The following THAP9 variants were observed in gnomAD, a reference collection of about 807,000 sequenced individuals.
The protein encoded by THAP9 is THAP domain containing 9.
In THAP9, 20 loss-of-function variants were observed where a neutral mutation model predicts 35.7. The ratio of observed to expected loss-of-function variants is 0.56; its 90% CI spans 0.39 to 0.81. The LOEUF (loss-of-function observed/expected upper bound fraction) is 0.81, where lower values mean the gene tolerates loss of function less well. THAP9 is among the 40% of genes least tolerant of loss of function. THAP9 has a pLI of 0.00. For synonymous variants in THAP9, 335 were observed against 373.7 expected (o/e 0.90, Z 1.19); for missense variants, 870 against 1,047.4 (o/e 0.83, Z 2.34).
chr4:82,916,440 T>G (rs1721034744), intron 4 of THAP9, among the ~76,000 whole-genome samples: 1 of 152,226 alleles, frequency 6.6e-6, no homozygotes, highest in African/African-American at 2.4e-5. Context: ...AGAAATGCAC[T>G]AAACTCCTGG....
chr4:82,916,357 T>G (rs1297440261), intron 4 of THAP9, among the ~76,000 whole-genome samples: 4 of 152,166 alleles, frequency 2.6e-5, no homozygotes, highest in Non-Finnish European at 5.9e-5. Context: ...GTAGCACAGG[T>G]AGGTTGTATA....
At position 82,910,594 on chromosome 4, in the gene THAP9, A is replaced by G. The variant is rs1720832530; in HGVS notation, c.731+2659A>G. 9 of 337,254 alleles carry G rather than the reference A, an allele frequency of 2.7e-5. No homozygotes were observed. The South Asian group carries it at 4.3e-4, about 16-fold the overall frequency. 20.9% of individuals were successfully genotyped at this position (337,254 alleles called of 1,614,324 possible). On this transcript the variant is annotated intron_variant, in intron 4 of 4. Coordinates refer to ENST00000302236, the MANE Select transcript of THAP9 (RefSeq NM_024672.6). ...ATTAATGGTATATACGTTTCCATTT[A>G]TTTTCCCATATAAAAAGTGATGTTT... is the stretch of plus-strand genomic sequence containing the variant.
At chr4:82,905,861 A>G (rs1403008415) in intron 2 of THAP9, 2 of 456,118 alleles carry the variant, frequency 4.4e-6, no homozygotes, top group South Asian at 3.1e-5. Flanking sequence ...CATTTTACAG[A>G]TGAGGACACA....
chr4:82,900,817 C>T lies in THAP9; in HGVS notation c.15C>T (p.Cys5=), dbSNP rs751954586. 1 of 1,613,706 alleles carries T rather than the reference C, an allele frequency of 6.2e-7. No homozygotes were observed. ...GTAACAAGAAGATGACCCGAAGTTG[C>T]TCCGCAGTGGGCTGCAGCACCCGTG... MTRS[C]SAVGCSTRDT... is the part of the protein sequence containing the mutation. The change falls in exon 1 of 5, where the codon TGC becomes TGT. Residue 5 remains cysteine (C), a synonymous_variant. Transcript: ENST00000302236.
At chr4:82,913,386 T>C (rs1233966621) in intron 4 of THAP9, 1 of 152,164 alleles carries the variant, frequency 6.6e-6, no homozygotes, top group Non-Finnish European at 1.5e-5. Flanking sequence ...AGTGCTTTGT[T>C]ATATATGTAC....
chr4:82,909,121 A>T (rs1720768174), intron 4 of THAP9, among the ~76,000 whole-genome samples: 1 of 148,758 alleles, frequency 6.7e-6, no homozygotes, highest in South Asian at 2.1e-4. Context: ...TGGCCAGGCT[A>T]ATCTCGAACT....
Position 82,900,790 on chromosome 4 carries a change from A to G in THAP9, c.-13A>G. On this transcript the variant is annotated 5_prime_UTR_variant, in exon 1 of 5. Coordinates refer to ENST00000302236, the MANE Select transcript of THAP9 (RefSeq NM_024672.6). ...GCGGGAACCCCGAAGGTGGGGCCCCACGTAACAAGAAGATGACCCGAAGTT... is the reference window on the plus strand; with the variant it reads ...GCGGGAACCCCGAAGGTGGGGCCCCGCGTAACAAGAAGATGACCCGAAGTT... The G allele has an allele frequency of 6.2e-7, 1 of 1,613,650 alleles. No individual in the cohort carries two copies. The highest frequency in any genetic ancestry group is 8.5e-7 in the Non-Finnish European group (1 of 1,180,012).
rs1553942867 is a variant in THAP9 at position 82,917,228 on chromosome 4, A to G, written c.1016A>G (p.Tyr339Cys). 6.2e-6 allele frequency: 10 copies of G among 1,614,000 alleles called. 1 individual carries two copies. In the South Asian group the frequency reaches 1.1e-4, roughly 18 times the overall value. ...IFGHWRTPLG[Y>C]FFVNRASGYL... Reference sequence around the variant, plus strand: ...GGCCATTGGAGAACACCTCTTGGTTATTTTTTTGTAAACAGAGCATCTGGA... The same window carrying G: ...GGCCATTGGAGAACACCTCTTGGTTGTTTTTTTGTAAACAGAGCATCTGGA... Residue 339 changes from tyrosine (Y) to cysteine (C), a missense_variant, in exon 5 of 5, where the codon TAT becomes TGT. Tyr to Cys is a radical substitution (Grantham distance 194). This residue lies in a region of THAP9 where 440 missense variants were observed against 501.2 expected (regional missense o/e 0.88). Transcript: ENST00000302236.
intron 1 of THAP9, chr4:82,901,181 G>C: frequency 1.6e-6 from 1 of 621,186 alleles, no homozygotes; most frequent in Non-Finnish European, 3.0e-6. Flanking sequence ...GAAGTGAGGA[G>C]GCCGAAAGGG....
chr4:82,907,245 T>A (rs185838031), intron 3 of THAP9, among the ~76,000 whole-genome samples: 67 of 152,290 alleles, frequency 4.4e-4, no homozygotes, highest in African/African-American at 1.5e-3. Context: ...AAGAGAAATG[T>A]GTCCTCTTTT....
intron 4 of THAP9, among the ~76,000 whole-genome samples, chr4:82,909,670 T>A (rs947662437): frequency 6.6e-6 from 1 of 152,196 alleles, no homozygotes; most frequent in Non-Finnish European, 1.5e-5. Context: ...AATTGTTTTT[T>A]CATATATTTT....
Position 82,917,502 on chromosome 4 carries a change from A to G in THAP9, c.1290A>G (p.Gln430=), listed in dbSNP as rs992683223. 3 of 1,613,174 alleles carry G rather than the reference A, an allele frequency of 1.9e-6. No homozygotes were observed. Among genetic ancestry groups the G allele is most frequent in the East Asian group, 2.2e-5 (1 of 44,844 alleles). Residue 430 remains glutamine (Q), a synonymous_variant, in exon 5 of 5, where the codon CAA becomes CAG. Coordinates refer to ENST00000302236, the MANE Select transcript of THAP9 (RefSeq NM_024672.6). ...TAAGAAATGCATTTCAGAATTTTCA[A>G]AGCATTCAGTTTATTAATGGTATAG... ...RLIRNAFQNF[Q]SIQFINGIAH... is the part of the protein sequence containing the mutation.
rs1721142597 is a variant in THAP9, at chr4:82,918,841, C to T, written c.2629C>T (p.Gln877Ter). 3 of 1,613,478 alleles carry T rather than the reference C, an allele frequency of 1.9e-6. No individual in the cohort carries two copies. Among genetic ancestry groups the T allele is most frequent in the South Asian group, 1.1e-5 (1 of 91,052 alleles). ...ATCAAGGAAACACTGGTCATCTGTA[C>T]AGGATTATAAATGTTCAAGTTTTGC... The part of the protein sequence containing the change: ...TLSRKHWSSV[Q>*]DYKCSSFANT... The change falls in exon 5 of 5, where the codon CAG (glutamine) becomes TAG (stop). Residue 877 changes from glutamine to a stop codon, truncating the protein, a stop_gained. Transcript: ENST00000302236. LOFTEE classifies it high-confidence loss of function.
intron 4 of THAP9, 44 bp from the exon 5 acceptor site, chr4:82,916,900 T>C: frequency 6.8e-7 from 1 of 1,462,176 alleles, no homozygotes; most frequent in Non-Finnish European, 9.1e-7. Flanking sequence ...CCATTTGTCT[T>C]TTTATTTCTC....
At chr4:82,903,054 T>C (rs1318964426) in intron 1 of THAP9, among the ~76,000 whole-genome samples, 1 of 152,246 alleles carries the variant, frequency 6.6e-6, no homozygotes, top group Non-Finnish European at 1.5e-5. Flanking sequence ...AGCATTTAGC[T>C]GAGAAATAAA....
At position 82,911,374 on chromosome 4, in the gene THAP9, G is replaced by A. The variant is rs118096620; in HGVS notation, c.731+3439G>A. Among the ~76,000 whole-genome samples the A allele has an allele frequency of 9.4e-4, 143 of 152,202 alleles. 3 individuals carry two copies. In the East Asian group the frequency reaches 0.016, roughly 17 times the overall value. On this transcript the variant is annotated intron_variant, in intron 4 of 4. Coordinates refer to ENST00000302236, the MANE Select transcript of THAP9 (RefSeq NM_024672.6). ...GGGGAGGCTGTGGAGGACGGACCAC[G>A]AGGTCAGGAGATTGAGACCACCCTG...
rs766526885 is a variant in THAP9 at position 82,917,320 on chromosome 4, G to T, written c.1108G>T (p.Ala370Ser). 36 of 1,613,644 alleles carry T rather than the reference G, an allele frequency of 2.2e-5. No homozygotes were observed. The highest frequency in any genetic ancestry group is 4.2e-6 in the Non-Finnish European group (5 of 1,179,794). ...GAGTGACATAGGAATCACAGTTCTG[G>T]CTGTTACATCTGATGCCACAGCACA... is the stretch of plus-strand genomic sequence containing the variant. ...KLSDIGITVL[A>S]VTSDATAHSV... The change falls in exon 5 of 5, where the codon GCT becomes TCT. Residue 370 changes from alanine (A) to serine (S), a missense_variant. Physicochemically the swap from Ala to Ser is moderately conservative, Grantham distance 99. This residue lies in a region of THAP9 where 440 missense variants were observed against 501.2 expected (regional missense o/e 0.88). Transcript: ENST00000302236.
intron 3 of THAP9, 74 bp downstream of exon 3, chr4:82,906,701 G>A: frequency 1.4e-6 from 2 of 1,388,172 alleles, no homozygotes; most frequent in Non-Finnish European, 1.9e-6. Context: ...TATTTATTTT[G>A]TTCTTGCCTA....
chr4:82,903,810 C>G (rs922617427), intron 1 of THAP9, among the ~76,000 whole-genome samples: 1 of 152,178 alleles, frequency 6.6e-6, no homozygotes, highest in Admixed American at 6.5e-5. Flanking sequence ...TTCAAAAAGA[C>G]TAACTCAACA....
Sources: allele counts gnomAD v4.1 joint callset (sites outside exome capture counted in the v4.1 genomes callset), GRCh38; gene constraint gnomAD v4.1.1; regional missense constraint gnomAD v4.1.1; transcripts MANE v1.5; gene names NCBI Gene and HGNC (gene_info 2026-07-23, HGNC 2026-07-21).